MAST2: variants seen among roughly 807,000 people sequenced by gnomAD.
MAST2 encodes microtubule associated serine/threonine kinase 2, also known as microtubule-associated serine/threonine-protein kinase 2.
A neutral mutation model predicts 147.4 loss-of-function variants in MAST2; 70 were observed. That is an observed-to-expected ratio of 0.47 (90% CI 0.39 to 0.58). The LOEUF (loss-of-function observed/expected upper bound fraction) is 0.58, where lower values mean the gene tolerates loss of function less well. Among genes scored for constraint, MAST2 ranks in the 20% least tolerant of loss-of-function variants. MAST2 has a pLI of 0.00. For synonymous variants in MAST2, 869 were observed against 896.8 expected, an observed-to-expected ratio of 0.97 and a Z score of 0.55; for missense variants, 2,080 against 2,302.3, an observed-to-expected ratio of 0.90 and a Z score of 1.98.
chr1:45,826,679 ATGCTT>A (rs1644802584), intron 2 of MAST2, among the ~76,000 whole-genome samples: 1 of 152,030 alleles, frequency 6.6e-6, no homozygotes, highest in African/African-American at 2.4e-5. Flanking sequence ...AATCCCCTCC[ATGCTT>A]ACTATAGCTT....
At chr1:45,898,581 C>T (rs1417377091) in intron 4 of MAST2, among the ~76,000 whole-genome samples, 1 of 152,148 alleles carries the variant, frequency 6.6e-6, no homozygotes, top group Non-Finnish European at 1.5e-5. Flanking sequence ...AAAGCCCACT[C>T]CAGAGTCAGT....
chr1:45,894,819 T>C (rs1456326505), intron 4 of MAST2, among the ~76,000 whole-genome samples: 2 of 152,204 alleles, frequency 1.3e-5, no homozygotes, highest in Admixed American at 6.5e-5. Flanking sequence ...TAATGAGTAC[T>C]AAGATGTTAT....
intron 4 of MAST2, among the ~76,000 whole-genome samples, chr1:45,900,147 G>T (rs1649494883): frequency 7.5e-6 from 1 of 133,740 alleles, no homozygotes; most frequent in Non-Finnish European, 1.5e-5. Flanking sequence ...TCCAGCCTGG[G>T]CGACAGAGCG....
At chr1:46,024,529 G>A (rs1254999603) in intron 15 of MAST2, among the ~76,000 whole-genome samples, 3 of 152,200 alleles carry the variant, frequency 2.0e-5, no homozygotes, top group Non-Finnish European at 4.4e-5. Flanking sequence ...ACTGTGCCTA[G>A]TCTTGAAGCT....
At chr1:46,022,166 C>A in intron 12 of MAST2, 84 bp downstream of exon 12, 1 of 1,565,286 alleles carries the variant, frequency 6.4e-7, no homozygotes, top group Non-Finnish European at 8.7e-7. Flanking sequence ...GGAAAAGAGA[C>A]TTAGCTTGGA....
intron 6 of MAST2, 58 bp from the exon 7 acceptor site, chr1:46,002,747 G>T: frequency 6.7e-7 from 1 of 1,489,206 alleles, no homozygotes; most frequent in Non-Finnish European, 9.4e-7. Flanking sequence ...CAGACAGGCA[G>T]GTTGTGGGTC....
chr1:45,883,536 C>T lies in MAST2; in HGVS notation c.500+1141C>T, dbSNP rs562221381. Among the ~76,000 whole-genome samples, 5 of 152,198 alleles carry T rather than the reference C, an allele frequency of 3.3e-5. No individual in the cohort carries two copies. In the South Asian group the frequency reaches 1.0e-3, roughly 32 times the overall value. On this transcript the variant is annotated intron_variant, in intron 4 of 28. Transcript: ENST00000361297. ...ACTTTATCTTCTTAAACCTCAGTTG[C>T]CTTATCTATAAAATGAAGATAATGT...
intron 4 of MAST2, among the ~76,000 whole-genome samples, chr1:45,910,184 T>A (rs1651461890): frequency 6.7e-6 from 1 of 150,172 alleles, no homozygotes; most frequent in South Asian, 2.2e-4. Flanking sequence ...TCTTCTAAGC[T>A]CCACTGTCTT....
intron 4 of MAST2, among the ~76,000 whole-genome samples, 181 bp from the exon 5 acceptor site, chr1:45,959,204 AG>A (rs1660056306): frequency 6.6e-6 from 1 of 152,174 alleles, no homozygotes; most frequent in South Asian, 2.1e-4. Context: ...TATTCCAAGG[AG>A]GAACACAGTG....
rs781649119 is a variant in MAST2, at chr1:45,917,435, T to C, written c.500+35040T>C. The C allele has an allele frequency of 2.2e-6, 3 of 1,366,584 alleles. No individual in the cohort carries two copies. The Admixed American group carries it at 5.7e-5, about 26-fold the overall frequency. The allele number at this position is 1,366,584 out of a possible 1,614,324, so 84.7% of individuals were successfully genotyped here. On this transcript the variant is annotated intron_variant, in intron 4 of 28. Transcript: ENST00000361297. The stretch of plus-strand genomic sequence containing the variant: ...TCCTCACTAAAGTCCCATTTAGTGC[T>C]GATTGTGCTTTGGCTACTTCTCCTC...
chr1:45,974,830 A>C (rs1327669990), intron 5 of MAST2, among the ~76,000 whole-genome samples: 17 of 152,190 alleles, frequency 1.1e-4, no homozygotes, highest in Admixed American at 1.1e-3. Flanking sequence ...GGATTTTGGA[A>C]AGATTGTGTG....
chr1:45,886,313 T>TACACACACAC (rs56032969), intron 4 of MAST2, among the ~76,000 whole-genome samples: 6 of 145,590 alleles, frequency 4.1e-5, no homozygotes, highest in African/African-American at 1.3e-4. Context: ...TATCTATAAG[T>TACACACACAC]ACACACACAC....
chr1:45,958,642 T>C (rs1239345461), intron 4 of MAST2, among the ~76,000 whole-genome samples: 1 of 152,148 alleles, frequency 6.6e-6, no homozygotes, highest in Admixed American at 6.5e-5. Flanking sequence ...AGACTGTTCT[T>C]TTGTTCCCTA....
intron 4 of MAST2, among the ~76,000 whole-genome samples, chr1:45,930,798 C>G (rs948896857): frequency 6.6e-6 from 1 of 152,134 alleles, no homozygotes; most frequent in African/African-American, 2.4e-5. Context: ...TGTGTTTATA[C>G]AAGCCACAAG....
chr1:45,997,202 A>C (rs1229204408), intron 5 of MAST2, among the ~76,000 whole-genome samples: 1 of 152,210 alleles, frequency 6.6e-6, no homozygotes, highest in African/African-American at 2.4e-5. Flanking sequence ...GGCCTTGATT[A>C]CGAACTATCT....
chr1:46,034,579 G>A lies in MAST2; in HGVS notation c.3910G>A (p.Val1304Met), dbSNP rs33931638. ...ACAGAGCAGCTCCCCCAGCTCCAGCGTGCCCAGTTCCCCAGCCGGCTCTGG... is the reference window on the plus strand; with the variant it reads ...ACAGAGCAGCTCCCCCAGCTCCAGCATGCCCAGTTCCCCAGCCGGCTCTGG... ...SSQSSSPSSS[V>M]PSSPAGSGHT... The change falls in exon 29 of 29, where the codon GTG (valine) becomes ATG (methionine). Residue 1304 changes from valine (V) to methionine (M), a missense_variant. Physicochemically the swap from Val to Met is conservative, Grantham distance 21. Coordinates refer to ENST00000361297, the MANE Select transcript of MAST2 (RefSeq NM_015112.3). 104,102 of 1,613,852 alleles carry A rather than the reference G, an allele frequency of 0.065. 3,916 individuals are homozygous for A. The highest frequency in any genetic ancestry group is 0.074 in the Non-Finnish European group (87,406 of 1,179,942).
At chr1:45,852,483 T>A (rs184349013) in intron 3 of MAST2, among the ~76,000 whole-genome samples, 6 of 151,896 alleles carry the variant, frequency 4.0e-5, no homozygotes, top group African/African-American at 1.4e-4. Context: ...TGCCTCAGCC[T>A]TCCGAGTAGC....
intron 2 of MAST2, among the ~76,000 whole-genome samples, chr1:45,825,533 A>G (rs1164060381): frequency 6.6e-6 from 1 of 150,900 alleles, no homozygotes; most frequent in Admixed American, 6.6e-5. Flanking sequence ...CCCAGGTTCA[A>G]GTGATTCTCC....
intron 5 of MAST2, among the ~76,000 whole-genome samples, chr1:45,990,279 A>G (rs1240927818): frequency 1.3e-5 from 2 of 152,172 alleles, no homozygotes; most frequent in East Asian, 1.9e-4. Flanking sequence ...TTAATTTGCA[A>G]TGTCCTATGC....
Sources: allele counts gnomAD v4.1 joint callset (sites outside exome capture counted in the v4.1 genomes callset), GRCh38; gene constraint gnomAD v4.1.1; transcripts MANE v1.5; gene names NCBI Gene and HGNC (gene_info 2026-07-23, HGNC 2026-07-21).